The following GPC6 variants were observed in gnomAD, a reference collection of about 807,000 sequenced individuals.
GPC6 encodes glypican 6.
A neutral mutation model predicts 55.2 loss-of-function variants in GPC6; 14 were observed. The ratio of observed to expected loss-of-function variants is 0.25; its 90% CI spans 0.17 to 0.40. The LOEUF (loss-of-function observed/expected upper bound fraction) is 0.40, where lower values mean the gene tolerates loss of function less well. GPC6 is among the 10% of genes least tolerant of loss of function. GPC6 has a pLI of 1.00. For missense variants in GPC6, 641 were observed against 708.5 expected, an observed-to-expected ratio of 0.90 and a Z score of 1.08; for synonymous variants, 278 against 259.6, an observed-to-expected ratio of 1.07 and a Z score of -0.68.
intron 2 of GPC6, among the ~76,000 whole-genome samples, chr13:93,768,518 T>C (rs1449245274): frequency 2.0e-5 from 3 of 152,034 alleles, no homozygotes; most frequent in Non-Finnish European, 4.4e-5. Flanking sequence ...ACTCGGTAAA[T>C]ATGGGTTGAA....
At chr13:93,779,452 G>A (rs1885571505) in intron 2 of GPC6, among the ~76,000 whole-genome samples, 1 of 152,076 alleles carries the variant, frequency 6.6e-6, no homozygotes, top group South Asian at 2.1e-4. Context: ...AGACAACTTG[G>A]AAAAATGATA....
chr13:93,323,319 A>G (rs2139125813), intron 1 of GPC6, among the ~76,000 whole-genome samples: 1 of 152,316 alleles, frequency 6.6e-6, no homozygotes, highest in East Asian at 1.9e-4. Context: ...TAATAGGAAA[A>G]GAATGTGGGG....
At chr13:93,801,873 A>G (rs1016555300) in intron 2 of GPC6, among the ~76,000 whole-genome samples, 1 of 152,132 alleles carries the variant, frequency 6.6e-6, no homozygotes, top group African/African-American at 2.4e-5. Flanking sequence ...TCATCTTAGA[A>G]TTCCCAAACC....
intron 7 of GPC6, among the ~76,000 whole-genome samples, chr13:94,393,224 T>A (rs1566753445): frequency 6.6e-6 from 1 of 152,178 alleles, no homozygotes; most frequent in Non-Finnish European, 1.5e-5. Context: ...GTGAATATGC[T>A]ATATATTACA....
chr13:93,966,670 T>TTTA (rs1880058978), intron 3 of GPC6, among the ~76,000 whole-genome samples: 1 of 143,394 alleles, frequency 7.0e-6, no homozygotes. Context: ...TTTTTTTTTT[T>TTTA]GAGATGTGGT....
chr13:93,986,644 A>G (rs546945210), intron 3 of GPC6, among the ~76,000 whole-genome samples: 4 of 152,260 alleles, frequency 2.6e-5, no homozygotes, highest in South Asian at 4.1e-4. Flanking sequence ...CCCTCTTACT[A>G]TAATATTGGA....
In GPC6 at chr13:94,027,738, A is replaced by G. The variant is rs748244134; in HGVS notation, c.721A>G (p.Thr241Ala). ...VANRVSKVSP[T>A]PGCIRALMKM... ...TGCAATAAATCTGCAGGTCAGCCCA[A>G]CCCCAGGGTGTATCCGTGCCCTCAT... is the stretch of plus-strand genomic sequence containing the variant. The change falls in exon 4 of 9, where the codon ACC becomes GCC. Residue 241 changes from threonine (T) to alanine (A), a missense_variant. Coordinates refer to ENST00000377047, the MANE Select transcript of GPC6 (RefSeq NM_005708.5). 5.1e-5 allele frequency: 82 copies of G among 1,613,826 alleles called. No homozygotes were observed. Among genetic ancestry groups the G allele is most frequent in the Non-Finnish European group, 6.4e-5 (76 of 1,179,962 alleles).
At chr13:93,641,425 C>A (rs987004343) in intron 2 of GPC6, among the ~76,000 whole-genome samples, 1 of 152,062 alleles carries the variant, frequency 6.6e-6, no homozygotes, top group African/African-American at 2.4e-5. Flanking sequence ...GTTTATCAAT[C>A]CTTACTGAGC....
intron 4 of GPC6, among the ~76,000 whole-genome samples, chr13:94,076,482 T>A (rs1056899395): frequency 3.3e-5 from 5 of 152,086 alleles, no homozygotes; most frequent in African/African-American, 1.2e-4. Flanking sequence ...GAACTTTTAG[T>A]TTGATGTAGT....
chr13:93,777,254 T>TA (rs1885500658), intron 2 of GPC6, among the ~76,000 whole-genome samples: 1 of 152,204 alleles, frequency 6.6e-6, no homozygotes, highest in South Asian at 2.1e-4. Flanking sequence ...CCTGTTTTCT[T>TA]ACGTTCTCCA....
chr13:93,431,264 G>A (rs1877348954), intron 1 of GPC6, among the ~76,000 whole-genome samples: 1 of 151,974 alleles, frequency 6.6e-6, no homozygotes, highest in African/African-American at 2.4e-5. Flanking sequence ...GCAATTTATG[G>A]TTTATACCCT....
At chr13:93,932,509 G>A (rs1368599789) in intron 3 of GPC6, among the ~76,000 whole-genome samples, 1 of 152,200 alleles carries the variant, frequency 6.6e-6, no homozygotes, top group African/African-American at 2.4e-5. Flanking sequence ...AGAAACAAAT[G>A]TCTGTTTCCA....
intron 2 of GPC6, among the ~76,000 whole-genome samples, chr13:93,820,510 T>C (rs1206003962): frequency 1.3e-5 from 2 of 152,084 alleles, no homozygotes; most frequent in Non-Finnish European, 1.5e-5. Context: ...CTCCTTGTTT[T>C]GTGATGAACA....
chr13:93,367,380 T>C (rs1404642530), intron 1 of GPC6, among the ~76,000 whole-genome samples: 2 of 152,110 alleles, frequency 1.3e-5, no homozygotes, highest in African/African-American at 4.8e-5. Flanking sequence ...GTCTGTTTTA[T>C]TGCTGTTTCC....
At chr13:94,382,615 G>A (rs1880214902) in intron 7 of GPC6, 65 bp downstream of exon 7, 2 of 1,599,210 alleles carry the variant, frequency 1.3e-6, no homozygotes, top group African/African-American at 1.3e-5. Flanking sequence ...AGACTCTCCT[G>A]GCACAACTCT....
At chr13:93,868,239 A>G (rs571914177) in intron 3 of GPC6, among the ~76,000 whole-genome samples, 1 of 151,794 alleles carries the variant, frequency 6.6e-6, no homozygotes, top group African/African-American at 2.4e-5. Context: ...GCCAAACCTC[A>G]TCTCATGCTT....
At chr13:93,377,508 G>A (rs1457965840) in intron 1 of GPC6, among the ~76,000 whole-genome samples, 1 of 152,190 alleles carries the variant, frequency 6.6e-6, no homozygotes, top group African/African-American at 2.4e-5. Flanking sequence ...AAAGGTTCAG[G>A]GTGGAAAGGA....
At chr13:93,909,296 TAGAA>T (rs564948162) in intron 3 of GPC6, among the ~76,000 whole-genome samples, 2 of 152,252 alleles carry the variant, frequency 1.3e-5, no homozygotes, top group African/African-American at 4.8e-5. Flanking sequence ...TGATCCTGAT[TAGAA>T]AGCCTATTAT....
chr13:93,304,652 G>A (rs1048243538), intron 1 of GPC6, among the ~76,000 whole-genome samples: 2 of 152,220 alleles, frequency 1.3e-5, no homozygotes, highest in South Asian at 4.1e-4. Context: ...TTCATTCGAG[G>A]TACTGCAGAA....
Sources: gnomAD v4.1 joint callset for allele counts (sites outside exome capture counted in the v4.1 genomes callset) on GRCh38, gnomAD v4.1.1 for gene constraint, MANE v1.5 for transcripts, NCBI Gene and HGNC (gene_info 2026-07-23, HGNC 2026-07-21) for gene names.